Variants in SLC41A3 observed in about 807,000 individuals in gnomAD.
SLC41A3 encodes the protein SLC41A1-like 2.
A neutral mutation model predicts 45.4 loss-of-function variants in SLC41A3; 44 were observed. The observed-to-expected ratio is 0.97, with a 90% CI of 0.76 to 1.25. The LOEUF (loss-of-function observed/expected upper bound fraction) is 1.25. Ranked by LOEUF, SLC41A3 falls within the 50% of genes most tolerant of loss-of-function variation. SLC41A3 has a pLI of 0.00. For synonymous variants in SLC41A3, 256 were observed against 252.4 expected (o/e 1.01, Z -0.13); for missense variants, 550 against 600.6 (o/e 0.92, Z 0.88).
chr3:126,023,216 C>A (rs1941058246), intron 5 of SLC41A3: 2 of 334,594 alleles, frequency 6.0e-6, no homozygotes, highest in East Asian at 1.0e-4. Flanking sequence ...GGCTCCCGAG[C>A]TCCCAAATCA....
chr3:126,080,087 TTA>T, intron 1 of SLC41A3, among the ~76,000 whole-genome samples: 1 of 152,278 alleles, frequency 6.6e-6, no homozygotes, highest in South Asian at 2.1e-4. Context: ...GATTAAAGGC[TTA>T]TATGATTTAA....
Position 126,026,938 on chromosome 3 carries a change from G to A in SLC41A3, c.454-459C>T, listed in dbSNP as rs1941403574. ...CTTTTGGTCTCTCCTTTGGCACCCT[G>A]CTCACACCCTCCCCTTCCAGGCTCT... is the stretch of plus-strand genomic sequence containing the variant. On this transcript the variant is annotated intron_variant, in intron 4 of 10. Transcript: ENST00000360370. This position sits in a 1 kb window ranked among gnomAD's most constrained non-coding sequence, Gnocchi z 4.2. Among the ~76,000 whole-genome samples, 1 of 152,102 alleles carries A rather than the reference G, an allele frequency of 6.6e-6. No individual in the cohort carries two copies. The highest frequency in any genetic ancestry group is 1.5e-5 in the Non-Finnish European group (1 of 68,016).
intron 5 of SLC41A3, chr3:126,023,774 C>G (rs1308512302): frequency 6.6e-6 from 1 of 152,222 alleles, no homozygotes; most frequent in African/African-American, 2.4e-5. Context: ...CATGTGATCT[C>G]CTAGTCCCCA....
At position 126,030,420 on chromosome 3, in the gene SLC41A3, G is replaced by A. The variant is rs146909882; in HGVS notation, c.453+3187C>T. On this transcript the variant is annotated intron_variant, in intron 4 of 10. Transcript: ENST00000360370. ...AAGAAAATACAAAGGGATAACAGACGTGCATAAAGATCAACTTCTCTAGTA... is the reference window on the plus strand; with the variant it reads ...AAGAAAATACAAAGGGATAACAGACATGCATAAAGATCAACTTCTCTAGTA... 2.1e-4 allele frequency among the ~76,000 whole-genome samples: 32 copies of A among 152,124 alleles called. No individual in the cohort carries two copies. The East Asian group carries it at 4.6e-3, about 22-fold the overall frequency.
chr3:126,011,530 T>G (rs1318525994), intron 9 of SLC41A3, among the ~76,000 whole-genome samples: 1 of 152,186 alleles, frequency 6.6e-6, no homozygotes, highest in Non-Finnish European at 1.5e-5. Flanking sequence ...GCTGAAAAAG[T>G]GATGGCTTAA....
intron 6 of SLC41A3, among the ~76,000 whole-genome samples, chr3:126,021,080 G>C (rs1017694832): frequency 4.6e-5 from 7 of 152,100 alleles, no homozygotes; most frequent in Non-Finnish European, 8.8e-5. Flanking sequence ...ATTTTTAGTA[G>C]AGACAGGATT....
intron 1 of SLC41A3, among the ~76,000 whole-genome samples, chr3:126,093,910 G>A (rs561192424): frequency 6.6e-6 from 1 of 152,124 alleles, no homozygotes; most frequent in Non-Finnish European, 1.5e-5. Flanking sequence ...TGGACATTTC[G>A]ATCATTTCTC....
intron 8 of SLC41A3, among the ~76,000 whole-genome samples, chr3:126,013,230 G>T (rs1432960719): frequency 6.6e-6 from 1 of 151,876 alleles, no homozygotes; most frequent in Non-Finnish European, 1.5e-5. Flanking sequence ...TTCACTCAAG[G>T]TGGGAAGGAG....
chr3:126,047,841 C>A (rs1943063771), intron 3 of SLC41A3, among the ~76,000 whole-genome samples: 1 of 152,200 alleles, frequency 6.6e-6, no homozygotes, highest in African/African-American at 2.4e-5. Flanking sequence ...GCAATGATTT[C>A]TTGGATATGA....
chr3:126,014,000 C>T (rs1020661401), intron 8 of SLC41A3, among the ~76,000 whole-genome samples: 6 of 152,106 alleles, frequency 3.9e-5, no homozygotes, highest in Non-Finnish European at 8.8e-5. Flanking sequence ...AAGCTCTGCC[C>T]GGGCCAGATG....
At chr3:126,076,721 G>T (rs1944896144) in intron 1 of SLC41A3, among the ~76,000 whole-genome samples, 1 of 152,156 alleles carries the variant, frequency 6.6e-6, no homozygotes, top group African/African-American at 2.4e-5. Context: ...GCCTCACTCT[G>T]GGGATGACCA....
intron 1 of SLC41A3, among the ~76,000 whole-genome samples, chr3:126,071,871 T>A (rs1159055778): frequency 6.6e-6 from 1 of 151,838 alleles, no homozygotes; most frequent in African/African-American, 2.4e-5. Context: ...CTGGGGCTCA[T>A]GTAATCCTCC....
At chr3:126,085,718 A>G (rs13061726), upstream of SLC41A3, among the ~76,000 whole-genome samples, 101,397 of 151,858 alleles carry the variant, frequency 0.67, 34,242 homozygotes, top group African/African-American at 0.76. Flanking sequence ...TGTTGTTTTC[A>G]TAGGTAAATG....
At chr3:126,067,093 G>GC (rs1170798520) in intron 2 of SLC41A3, among the ~76,000 whole-genome samples, 8 of 74,548 alleles carry the variant, frequency 1.1e-4, no homozygotes, top group East Asian at 6.9e-4. Flanking sequence ...GGGTTGGACC[G>GC]CCCCCCCGCC....
At chr3:126,054,442 T>C (rs894808051) in intron 2 of SLC41A3, among the ~76,000 whole-genome samples, 1 of 152,104 alleles carries the variant, frequency 6.6e-6, no homozygotes, top group Non-Finnish European at 1.5e-5. Context: ...CATTTTAACA[T>C]AAAGCAAACA....
chr3:126,087,683 A>C (rs893098715), upstream of SLC41A3, among the ~76,000 whole-genome samples: 4 of 152,030 alleles, frequency 2.6e-5, no homozygotes, highest in Non-Finnish European at 5.9e-5. Context: ...TTTTGTCCTA[A>C]AATAAAATGA....
chr3:126,092,431 A>G (rs1454406056), intron 1 of SLC41A3: 1 of 152,196 alleles, frequency 6.6e-6, no homozygotes, highest in Non-Finnish European at 1.5e-5. Flanking sequence ...AAACAATGCT[A>G]ATGACTGGCT....
chr3:126,020,647 G>C (rs1368827474), intron 6 of SLC41A3, among the ~76,000 whole-genome samples: 1 of 152,188 alleles, frequency 6.6e-6, no homozygotes. Context: ...GACGGGTAGT[G>C]GGGGTCAGAC....
chr3:126,075,030 A>G (rs1166798957), intron 1 of SLC41A3, among the ~76,000 whole-genome samples: 2 of 151,716 alleles, frequency 1.3e-5, no homozygotes, highest in East Asian at 3.9e-4. Context: ...GGCTGGTCTC[A>G]AACTCCTGAG....
Sources: gnomAD v4.1 joint callset for allele counts (sites outside exome capture counted in the v4.1 genomes callset) on GRCh38, gnomAD v4.1.1 for gene constraint, Gnocchi (gnomAD v3.1) non-coding constraint, MANE v1.5 for transcripts, NCBI Gene and HGNC (gene_info 2026-07-23, HGNC 2026-07-21) for gene names.